Variants in CAMK2B observed in about 807,000 individuals in gnomAD.
CAMK2B encodes calcium/calmodulin-dependent protein kinase type II subunit beta.
Under a neutral mutation model 93.7 loss-of-function variants are expected in CAMK2B, and 27 were observed. That is an observed-to-expected ratio of 0.29 (90% CI 0.21 to 0.40). The LOEUF (loss-of-function observed/expected upper bound fraction) is 0.40. Among genes scored for constraint, CAMK2B ranks in the 10% least tolerant of loss-of-function variants. CAMK2B has a pLI of 1.00. For synonymous variants in CAMK2B, 374 were observed against 358.8 expected, an observed-to-expected ratio of 1.04 and a Z score of -0.48; for missense variants, 568 against 895.8, an observed-to-expected ratio of 0.63 and a Z score of 4.67.
In CAMK2B at chr7:44,312,640, G is replaced by A. The variant is rs971043532; in HGVS notation, c.65+12717C>T. 6.6e-6 allele frequency among the ~76,000 whole-genome samples: 1 copy of A among 152,074 alleles called. No individual in the cohort carries two copies. Among genetic ancestry groups the A allele is most frequent in the Non-Finnish European group, 1.5e-5 (1 of 68,014 alleles). ...AGGAAGCAAAAGAGGGAGGAAAAGT[G>A]GAAACATGAAGTGAGAAAAAGAGAG... On this transcript the variant is annotated intron_variant, in intron 1 of 23. Coordinates refer to ENST00000395749, the MANE Select transcript of CAMK2B (RefSeq NM_001220.5). This position sits in a 1 kb window ranked among gnomAD's most constrained non-coding sequence, Gnocchi z 4.1.
In CAMK2B at chr7:44,226,550, T is replaced by C. The variant is rs775274222; in HGVS notation, c.1563A>G (p.Pro521=). ...GPSPVGPPPC[P]SPTIPGPLPT... ...GCAGGGGGCCAGGGATAGTCGGAGATGGGCAGGGCGGGGGCCCCACTGGCG... is the reference window on the plus strand; with the variant it reads ...GCAGGGGGCCAGGGATAGTCGGAGACGGGCAGGGCGGGGGCCCCACTGGCG... Residue 521 remains proline (P), a synonymous_variant, in exon 20 of 24, where the codon CCA becomes CCG. Transcript: ENST00000395749. 6.8e-7 allele frequency: 1 copy of C among 1,473,728 alleles called. No homozygotes were observed. Among genetic ancestry groups the C allele is most frequent in the Non-Finnish European group, 9.0e-7 (1 of 1,116,922 alleles). The allele number at this position is 1,473,728 out of a possible 1,614,324, so 91.3% of individuals were successfully genotyped here. A position where few individuals can be genotyped will look rare whatever the true frequency, so the allele number is the denominator to read the frequency against.
rs1424255461 is a variant in CAMK2B, at chr7:44,311,786, A to G, written c.65+13571T>C. ...CCTGGGTCTCTGCTCCCACCTGCAGACAGGACAAGGGGAAGGGGTGTGTGA... is the reference window on the plus strand; with the variant it reads ...CCTGGGTCTCTGCTCCCACCTGCAGGCAGGACAAGGGGAAGGGGTGTGTGA... On this transcript the variant is annotated intron_variant, in intron 1 of 23. Transcript: ENST00000395749. The surrounding 1 kb of genome is among the most constrained non-coding windows in gnomAD (Gnocchi z 4.2). Among the ~76,000 whole-genome samples, 1 of 152,180 alleles carries G rather than the reference A, an allele frequency of 6.6e-6. No individual in the cohort carries two copies. Among genetic ancestry groups the G allele is most frequent in the Non-Finnish European group, 1.5e-5 (1 of 68,020 alleles).
chr7:44,289,524 G>A (rs1046030074), intron 1 of CAMK2B, among the ~76,000 whole-genome samples: 3 of 152,184 alleles, frequency 2.0e-5, no homozygotes, highest in Admixed American at 2.0e-4. Context: ...AGGGAAGGTC[G>A]GACCCTGCGT....
At chr7:44,323,459 GC>G (rs1242395684) in intron 1 of CAMK2B, among the ~76,000 whole-genome samples, 1 of 152,228 alleles carries the variant, frequency 6.6e-6, no homozygotes, top group Non-Finnish European at 1.5e-5. Context: ...TCCCCAGGCA[GC>G]CCCAAAGACC....
At chr7:44,297,729 C>A (rs1299771229) in intron 1 of CAMK2B, among the ~76,000 whole-genome samples, 1 of 152,102 alleles carries the variant, frequency 6.6e-6, no homozygotes, top group Non-Finnish European at 1.5e-5. Context: ...AAAAAACCAT[C>A]TTAAAATTGA....
At chr7:44,323,061 C>T (rs1176554195) in intron 1 of CAMK2B, among the ~76,000 whole-genome samples, 1 of 152,234 alleles carries the variant, frequency 6.6e-6, no homozygotes, top group Non-Finnish European at 1.5e-5. Flanking sequence ...CTTAGGTGCC[C>T]TGCTCTGCCC....
Position 44,266,266 on chromosome 7 carries a change from G to A in CAMK2B, c.161-3202C>T, listed in dbSNP as rs549894418. Among the ~76,000 whole-genome samples the A allele has an allele frequency of 3.9e-5, 6 of 152,296 alleles. No individual in the cohort carries two copies. In the South Asian group the frequency reaches 1.0e-3, roughly 26 times the overall value. The stretch of plus-strand genomic sequence containing the variant: ...AGGAAGAGGCGTTCTCTCTCCACCT[G>A]GCTCAGACAGCCCCATCTCAGGGCA... On this transcript the variant is annotated intron_variant, in intron 2 of 23. Transcript: ENST00000395749.
intron 8 of CAMK2B, 78 bp from the exon 9 acceptor site, chr7:44,242,732 T>G (rs2096692754): frequency 1.0e-6 from 1 of 992,828 alleles, no homozygotes; most frequent in Admixed American, 2.0e-5. Flanking sequence ...GCACCCTCAC[T>G]GCCTAGCTCC....
At chr7:44,273,280 T>G (rs1276421201) in intron 2 of CAMK2B, among the ~76,000 whole-genome samples, 1 of 152,136 alleles carries the variant, frequency 6.6e-6, no homozygotes, top group Non-Finnish European at 1.5e-5. Flanking sequence ...GTGTCCTGAG[T>G]GCAGTATCCT....
intron 3 of CAMK2B, among the ~76,000 whole-genome samples, chr7:44,261,970 A>T (rs1003934494): frequency 1.3e-5 from 2 of 152,170 alleles, no homozygotes; most frequent in Admixed American, 6.5e-5. Context: ...CTGGGGCTGC[A>T]GCCTGGCCCC....
chr7:44,243,181 C>A, intron 8 of CAMK2B, 69 bp downstream of exon 8: 1 of 1,204,012 alleles, frequency 8.3e-7, no homozygotes, highest in Non-Finnish European at 1.2e-6. Context: ...ACTGCACACT[C>A]CAGGATGTAG....
At chr7:44,274,237 C>T (rs571552590) in intron 2 of CAMK2B, among the ~76,000 whole-genome samples, 60 of 152,270 alleles carry the variant, frequency 3.9e-4, no homozygotes, top group Non-Finnish European at 6.6e-4. Flanking sequence ...ATGGAAACAT[C>T]GTGACCTCAG....
chr7:44,234,266 G>A (rs921050573), intron 15 of CAMK2B, 124 bp downstream of exon 15: 18 of 794,070 alleles, frequency 2.3e-5, no homozygotes, highest in South Asian at 7.6e-5. Flanking sequence ...GGGGCCATGC[G>A]AGTGCTGTCA....
chr7:44,223,117 G>T (rs149605796), intron 20 of CAMK2B, among the ~76,000 whole-genome samples: 21 of 151,804 alleles, frequency 1.4e-4, no homozygotes, highest in Middle Eastern at 3.4e-3. Context: ...GTGTGTAGAT[G>T]AAGCTCATAC....
chr7:44,263,196 G>A (rs2096894914), intron 2 of CAMK2B, 132 bp from the exon 3 acceptor site: 1 of 760,196 alleles, frequency 1.3e-6, no homozygotes, highest in East Asian at 2.7e-5. Flanking sequence ...CCCCCACCAA[G>A]GGAACACCCT....
intron 1 of CAMK2B, among the ~76,000 whole-genome samples, chr7:44,301,339 G>A (rs79543517): frequency 0.016 from 2,421 of 152,248 alleles, 70 homozygotes; most frequent in African/African-American, 0.056. Flanking sequence ...ATCTTGCTAT[G>A]TTTCCCAGGT....
intron 1 of CAMK2B, among the ~76,000 whole-genome samples, chr7:44,284,521 C>T (rs769239807): frequency 2.0e-5 from 3 of 152,186 alleles, no homozygotes; most frequent in African/African-American, 4.8e-5. Context: ...GTCAGGCCCT[C>T]GGGAGGGTGG....
intron 4 of CAMK2B, among the ~76,000 whole-genome samples, chr7:44,255,080 C>A (rs2096823152): frequency 6.6e-6 from 1 of 152,074 alleles, no homozygotes; most frequent in Admixed American, 6.5e-5. Flanking sequence ...CTCCCACCCC[C>A]ACTTAGGGCC....
chr7:44,295,010 G>A (rs940104176), intron 1 of CAMK2B, among the ~76,000 whole-genome samples: 1 of 152,224 alleles, frequency 6.6e-6, no homozygotes, highest in Non-Finnish European at 1.5e-5. Flanking sequence ...GAAAAGCCAA[G>A]TAGAGATTAG....
Sources: gnomAD v4.1 joint callset for allele counts (sites outside exome capture counted in the v4.1 genomes callset) on GRCh38, gnomAD v4.1.1 for gene constraint, Gnocchi (gnomAD v3.1) non-coding constraint, MANE v1.5 for transcripts, NCBI Gene and HGNC (gene_info 2026-07-23, HGNC 2026-07-21) for gene names.